Variants in DGKK observed in about 807,000 individuals in gnomAD.
DGKK encodes 142 kDa diacylglycerol kinase.
Under a neutral mutation model 92.2 loss-of-function variants are expected in DGKK, and 35 were observed. The observed-to-expected ratio is 0.38, with a 90% CI of 0.29 to 0.50. The LOEUF is 0.50. Ranked by LOEUF, DGKK falls within the 20% of genes least tolerant of loss-of-function variation. The pLI is 0.92. For missense variants in DGKK, 910 were observed against 992.2 expected (o/e 0.92, Z 1.11); for synonymous variants, 368 against 360.6 (o/e 1.02, Z -0.23).
chrX:50,381,719 G>T (rs1322105069), intron 18 of DGKK, among the ~76,000 whole-genome samples: 1 of 111,738 alleles, frequency 8.9e-6, no homozygotes, highest in Non-Finnish European at 1.9e-5. Flanking sequence ...GGCACCAAAA[G>T]CATGGTCCAT....
intron 8 of DGKK, among the ~76,000 whole-genome samples, chrX:50,398,324 T>G (rs1924908407): frequency 8.9e-6 from 1 of 111,772 alleles, no homozygotes; most frequent in African/African-American, 3.3e-5. Flanking sequence ...AGTAGGAAAC[T>G]TACCCATTAA....
At chrX:50,416,669 G>A (rs2147134565) in intron 4 of DGKK, among the ~76,000 whole-genome samples, 1 of 111,913 alleles carries the variant, frequency 8.9e-6, no homozygotes, top group South Asian at 3.8e-4. Context: ...GCCATTGGTA[G>A]GATGACCATG....
chrX:50,371,925 C>T (rs1351899527), intron 25 of DGKK, 91 bp from the exon 26 acceptor site: 3 of 541,159 alleles, frequency 5.5e-6, no homozygotes, highest in Non-Finnish European at 8.9e-6. Flanking sequence ...CTGCTAGTGA[C>T]CAAGAGACCA....
At chrX:50,401,298 C>A (rs1444527082) in intron 7 of DGKK, among the ~76,000 whole-genome samples, 159 bp from the exon 8 acceptor site, 2 of 110,788 alleles carry the variant, frequency 1.8e-5, no homozygotes, top group Admixed American at 1.9e-4. Flanking sequence ...CACCTGAACA[C>A]CCCCATTCTA....
chrX:50,440,451 A>G (rs1363267548), intron 1 of DGKK, among the ~76,000 whole-genome samples: 1 of 111,932 alleles, frequency 8.9e-6, no homozygotes, highest in Non-Finnish European at 1.9e-5. Context: ...GAAGTCTACA[A>G]TTATATACTA....
At position 50,403,559 on chromosome X, in the gene DGKK, C is replaced by A; in HGVS notation, c.1117G>T (p.Ala373Ser). ...VKSHRLCALRASKDCKWNTLS... is the reference protein window; with the variant it reads ...VKSHRLCALRSSKDCKWNTLS... ...GTATTCCACTTGCAGTCTTTGCTTG[C>A]TCTCAAAGCACACAATCTGTGAGAT... Residue 373 changes from alanine (A) to serine (S), a missense_variant, in exon 6 of 28, where the codon GCA becomes TCA. Physicochemically the swap from Ala to Ser is moderately conservative, Grantham distance 99 (BLOSUM62 1). Coordinates refer to ENST00000611977, the MANE Select transcript of DGKK (RefSeq NM_001013742.4). 1 of 1,210,448 alleles carries A rather than the reference C, an allele frequency of 8.3e-7. No homozygotes were observed. Among genetic ancestry groups the A allele is most frequent in the Non-Finnish European group, 1.1e-6 (1 of 894,669 alleles).
At position 50,392,417 on chromosome X, in the gene DGKK, C is replaced by T. The variant is rs1332234474; in HGVS notation, c.1628G>A (p.Arg543His). 10 of 1,209,848 alleles carry T rather than the reference C, an allele frequency of 8.3e-6. No individual in the cohort carries two copies. The highest frequency in any genetic ancestry group is 5.2e-5 in the African/African-American group (3 of 57,427). The change falls in exon 10 of 28, where the codon CGC (arginine) becomes CAC (histidine). Residue 543 changes from arginine (R) to histidine (H), a missense_variant. Arg to His is a conservative substitution (Grantham distance 29, BLOSUM62 0). Transcript: ENST00000611977. ...LSMFKNFARF[R>H]ILVCGGDGSV... ...GCCATCTCCACCACAAACCAGAATG[C>T]GAAAGCGAGCAAAGTTCTTGAACAT... is the stretch of plus-strand genomic sequence containing the variant.
intron 2 of DGKK, among the ~76,000 whole-genome samples, chrX:50,422,907 T>C (rs1421647639): frequency 2.7e-5 from 3 of 112,155 alleles, no homozygotes; most frequent in Non-Finnish European, 5.6e-5. Flanking sequence ...TCCTATTTTA[T>C]TGGGTGGCAA....
intron 3 of DGKK, among the ~76,000 whole-genome samples, chrX:50,421,127 A>G (rs1224923691): frequency 1.8e-5 from 2 of 111,555 alleles, no homozygotes; most frequent in Non-Finnish European, 3.8e-5. Flanking sequence ...GGTTAGGGAC[A>G]ACCTGAAGAG....
Position 50,369,063 on chromosome X carries a change from A to G in DGKK, c.3737-44T>C, listed in dbSNP as rs782472812. 3 of 1,043,846 alleles carry G rather than the reference A, an allele frequency of 2.9e-6. No homozygotes were observed. The East Asian group carries it at 9.2e-5, about 32-fold the overall frequency. 86.0% of individuals were successfully genotyped at this position (1,043,846 alleles called of 1,213,427 possible). A position where few individuals can be genotyped will look rare whatever the true frequency, so the allele number is the denominator to read the frequency against. On this transcript the variant is annotated intron_variant, in intron 27 of 27. Transcript: ENST00000611977. ...GGTATAGAAATAATGAGGTTAGCAC[A>G]ATGCCAGATGCCCAAGTATGTGGAC...
chrX:50,404,162 G>A lies in DGKK; in HGVS notation c.965C>T (p.Pro322Leu). 1 of 1,208,452 alleles carries A rather than the reference G, an allele frequency of 8.3e-7. No individual in the cohort carries two copies. Among genetic ancestry groups the A allele is most frequent in the Admixed American group, 2.2e-5 (1 of 45,724 alleles). ...CCAACAATGCATTCCAACAAGAAAA[G>A]GGTTGTTTTCTGCTGCAGGTATCTA... ...IYKIPAAENNPFLVGMHCWYS... is the reference protein window; with the variant it reads ...IYKIPAAENNLFLVGMHCWYS... Residue 322 changes from proline to leucine, a missense_variant, in exon 5 of 28, where the codon CCT becomes CTT. Transcript: ENST00000611977.
chrX:50,397,280 T>A (rs782121544), intron 8 of DGKK, among the ~76,000 whole-genome samples: 1 of 112,145 alleles, frequency 8.9e-6, no homozygotes, highest in South Asian at 3.8e-4. Flanking sequence ...CCCACTCAAA[T>A]TCATTCTGTT....
rs945079148 is a variant in DGKK, at chrX:50,392,287, T to G, written c.1704+54A>C. 28 of 951,617 alleles carry G rather than the reference T, an allele frequency of 2.9e-5. No individual in the cohort carries two copies. The African/African-American group carries it at 5.0e-4, about 17-fold the overall frequency. 78.4% of individuals were successfully genotyped at this position (951,617 alleles called of 1,213,427 possible). A position where few individuals can be genotyped will look rare whatever the true frequency, so the allele number is the denominator to read the frequency against. On this transcript the variant is annotated intron_variant, in intron 10 of 27. Coordinates refer to ENST00000611977, the MANE Select transcript of DGKK (RefSeq NM_001013742.4). ...CTTGGGACTTCTTGGGATGGGCAGC[T>G]GCACACCCCTACTCTTTCTAGCAAT... is the stretch of plus-strand genomic sequence containing the variant.
At chrX:50,403,232 A>G (rs915373672) in intron 6 of DGKK, 49 bp from the exon 7 acceptor site, 1 of 1,143,970 alleles carries the variant, frequency 8.7e-7, no homozygotes, top group South Asian at 2.1e-5. Flanking sequence ...AGACATAAGG[A>G]GAGGAAGGGC....
At chrX:50,384,991 C>T (rs933966360) in intron 15 of DGKK, among the ~76,000 whole-genome samples, 167 bp from the exon 16 acceptor site, 13 of 111,993 alleles carry the variant, frequency 1.2e-4, no homozygotes, top group African/African-American at 2.9e-4. Context: ...GACTCCCATT[C>T]GACCATCACG....
intron 1 of DGKK, among the ~76,000 whole-genome samples, chrX:50,429,119 C>T (rs1393041341): frequency 1.8e-5 from 2 of 111,821 alleles, no homozygotes; most frequent in African/African-American, 6.5e-5. Flanking sequence ...CTTCCTGGTC[C>T]CTGGCCTCTG....
intron 7 of DGKK, among the ~76,000 whole-genome samples, chrX:50,401,799 C>G (rs1925013731): frequency 9.0e-6 from 1 of 110,566 alleles, no homozygotes; most frequent in South Asian, 3.9e-4. Flanking sequence ...GAAGCCCATA[C>G]TTCAGTTTCT....
Position 50,422,436 on chromosome X carries a change from T to C in DGKK, c.837+10A>G. 2.5e-6 allele frequency: 3 copies of C among 1,190,997 alleles called. No individual in the cohort carries two copies. The highest frequency in any genetic ancestry group is 3.4e-6 in the Non-Finnish European group (3 of 882,174). On this transcript the variant is annotated intron_variant, in intron 3 of 27. Transcript: ENST00000611977. ...CCCCTGCCCATTCAGTCATTCCCAA[T>C]CTTACTTACACAAAAACTGTGGCAA...
rs782320582 is a variant in DGKK, at chrX:50,378,084, A to G, written c.3111+14T>C. 5.0e-6 allele frequency: 6 copies of G among 1,203,596 alleles called. No individual in the cohort carries two copies. Among genetic ancestry groups the G allele is most frequent in the Non-Finnish European group, 6.7e-6 (6 of 892,021 alleles). ...AGGCAGTATAGGAGCCCAAGACAAG[A>G]TTTTCCCCCTTACCCGATCTCTTGT... On this transcript the variant is annotated intron_variant, in intron 22 of 27. Coordinates refer to ENST00000611977, the MANE Select transcript of DGKK (RefSeq NM_001013742.4).
Sources: gnomAD v4.1 joint callset for allele counts (sites outside exome capture counted in the v4.1 genomes callset) on GRCh38, gnomAD v4.1.1 for gene constraint, MANE v1.5 for transcripts, NCBI Gene and HGNC (gene_info 2026-07-23, HGNC 2026-07-21) for gene names.